Variants in GRID2 observed in about 807,000 individuals in gnomAD.
The protein encoded by GRID2 is glutamate receptor ionotropic, delta-2.
A neutral mutation model predicts 114.8 loss-of-function variants in GRID2; 33 were observed. That is an observed-to-expected ratio of 0.29 (90% CI 0.22 to 0.38). GRID2 has a LOEUF of 0.38. GRID2 is among the 10% of genes least tolerant of loss of function. The pLI is 1.00. For missense variants in GRID2, 1,184 were observed against 1,257.7 expected (o/e 0.94, Z 0.89); for synonymous variants, 505 against 449.9 (o/e 1.12, Z -1.55).
chr4:93,102,732 A>G (rs982222566), intron 3 of GRID2, among the ~76,000 whole-genome samples: 2 of 151,452 alleles, frequency 1.3e-5, no homozygotes, highest in African/African-American at 2.4e-5. Context: ...TATTGGGAAG[A>G]TTAAAAATAA....
intron 1 of GRID2, among the ~76,000 whole-genome samples, chr4:93,787,213 C>T (rs1209048163): frequency 6.6e-6 from 1 of 152,064 alleles, no homozygotes; most frequent in Non-Finnish European, 1.5e-5. Flanking sequence ...CTTCTGCACA[C>T]ATCCATTGGT....
intron 13 of GRID2, among the ~76,000 whole-genome samples, chr4:93,621,430 T>G (rs1742210493): frequency 6.6e-6 from 1 of 152,194 alleles, no homozygotes; most frequent in South Asian, 2.1e-4. Context: ...CAGATTCACT[T>G]TTGCTTTCTT....
intron 14 of GRID2, among the ~76,000 whole-genome samples, chr4:93,727,523 C>G (rs1730042396): frequency 6.6e-6 from 1 of 152,176 alleles, no homozygotes; most frequent in Admixed American, 6.5e-5. Context: ...GGAGGATTCC[C>G]TCTTTTTCTA....
At chr4:93,217,887 AG>A (rs1402150540) in intron 6 of GRID2, among the ~76,000 whole-genome samples, 1 of 152,120 alleles carries the variant, frequency 6.6e-6, no homozygotes, top group African/African-American at 2.4e-5. Flanking sequence ...AATATATTTT[AG>A]AAACTTGTTC....
chr4:92,749,216 AT>A (rs1160039166), intron 2 of GRID2, among the ~76,000 whole-genome samples: 1 of 148,022 alleles, frequency 6.8e-6, no homozygotes, highest in African/African-American at 2.5e-5. Flanking sequence ...GTTGGCCAGG[AT>A]GGTCTCGATC....
chr4:93,025,327 T>C (rs1329098561), intron 2 of GRID2, among the ~76,000 whole-genome samples: 1 of 151,798 alleles, frequency 6.6e-6, no homozygotes, highest in Non-Finnish European at 1.5e-5. Context: ...CAATATTAAC[T>C]TGGCTAAACA....
intron 2 of GRID2, among the ~76,000 whole-genome samples, chr4:93,014,993 G>C (rs1201183507): frequency 6.6e-6 from 1 of 152,066 alleles, no homozygotes; most frequent in African/African-American, 2.4e-5. Flanking sequence ...GTGGCAGAGG[G>C]ATGGGAAGAA....
chr4:93,040,513 T>A (rs1193366743), intron 2 of GRID2, among the ~76,000 whole-genome samples: 3 of 152,106 alleles, frequency 2.0e-5, no homozygotes, highest in Non-Finnish European at 4.4e-5. Context: ...CAAACCACAA[T>A]AATGTAAAGG....
At chr4:93,481,513 A>T (rs1159746330) in intron 11 of GRID2, among the ~76,000 whole-genome samples, 2 of 152,086 alleles carry the variant, frequency 1.3e-5, no homozygotes, top group East Asian at 1.9e-4. Context: ...TGAGCTAGGC[A>T]TTCATGGCCT....
At chr4:93,279,760 C>T (rs1579525834) in intron 8 of GRID2, among the ~76,000 whole-genome samples, 1 of 151,858 alleles carries the variant, frequency 6.6e-6, no homozygotes, top group South Asian at 2.1e-4. Context: ...CAGGTTAATT[C>T]TGAATATATC....
At chr4:93,308,288 A>G (rs963852849) in intron 8 of GRID2, among the ~76,000 whole-genome samples, 2 of 152,164 alleles carry the variant, frequency 1.3e-5, no homozygotes, top group African/African-American at 4.8e-5. Context: ...TGTTTCACCT[A>G]AGCTGTGTTT....
At chr4:92,306,459 A>G (rs1454658552) in intron 1 of GRID2, among the ~76,000 whole-genome samples, 1 of 152,240 alleles carries the variant, frequency 6.6e-6, no homozygotes, top group Non-Finnish European at 1.5e-5. Context: ...GAGAAATGGC[A>G]TACATTTATA....
intron 2 of GRID2, among the ~76,000 whole-genome samples, chr4:93,000,327 T>A (rs1251249764): frequency 6.6e-6 from 1 of 151,650 alleles, no homozygotes; most frequent in African/African-American, 2.4e-5. Flanking sequence ...TAATCTGACA[T>A]CAGATTTTCA....
chr4:93,366,327 C>T (rs1017535422), intron 8 of GRID2, among the ~76,000 whole-genome samples: 13 of 152,162 alleles, frequency 8.5e-5, no homozygotes, highest in African/African-American at 2.9e-4. Flanking sequence ...TAAACTGGCA[C>T]CCCTGGGCAT....
intron 1 of GRID2, among the ~76,000 whole-genome samples, chr4:92,557,622 C>T (rs974421058): frequency 7.6e-6 from 1 of 131,116 alleles, no homozygotes; most frequent in African/African-American, 2.9e-5. Context: ...TATTTTAATA[C>T]TTCACTGCAT....
At chr4:93,377,259 C>A (rs1397611633) in intron 8 of GRID2, among the ~76,000 whole-genome samples, 1 of 151,944 alleles carries the variant, frequency 6.6e-6, no homozygotes, top group Non-Finnish European at 1.5e-5. Context: ...AATTTTTATA[C>A]TGAAAAGTTG....
chr4:92,845,358 T>C (rs1743233165), intron 2 of GRID2, among the ~76,000 whole-genome samples: 1 of 152,086 alleles, frequency 6.6e-6, no homozygotes, highest in Non-Finnish European at 1.5e-5. Flanking sequence ...AGCATTAAAT[T>C]GAGTTTTAAG....
Position 92,942,398 on chromosome 4 carries a change from C to CT in GRID2, c.245-142590dup, listed in dbSNP as rs1344597965. On this transcript the variant is annotated intron_variant, in intron 2 of 15. Coordinates refer to ENST00000282020, the MANE Select transcript of GRID2 (RefSeq NM_001510.4). ...CAGAGACTAGGATTGCAACTCCTGC[C>CT]TTTTTTTGTTTTCCATTTGCTTGGC... Among the ~76,000 whole-genome samples, 8 of 152,072 alleles carry CT rather than the reference C, an allele frequency of 5.3e-5. No homozygotes were observed. The East Asian group carries it at 1.2e-3, about 22-fold the overall frequency.
intron 8 of GRID2, among the ~76,000 whole-genome samples, chr4:93,329,748 C>A (rs999812771): frequency 6.6e-6 from 1 of 151,996 alleles, no homozygotes; most frequent in African/African-American, 2.4e-5. Context: ...GGACACAGAC[C>A]TTAACAGAAA....
Sources: allele counts gnomAD v4.1 joint callset (sites outside exome capture counted in the v4.1 genomes callset), GRCh38; gene constraint gnomAD v4.1.1; transcripts MANE v1.5; gene names NCBI Gene and HGNC (gene_info 2026-07-23, HGNC 2026-07-21).